Variants in NTM observed in about 807,000 individuals in gnomAD.
NTM encodes the protein IgLON family member 2.
A neutral mutation model predicts 42.1 loss-of-function variants in NTM; 13 were observed. The observed-to-expected ratio is 0.31, with a 90% confidence interval of 0.20 to 0.49. NTM has a LOEUF of 0.49. Among genes scored for constraint, NTM ranks in the 20% least tolerant of loss-of-function variants. The pLI is 0.99. For missense variants in NTM, 373 were observed against 452.8 expected (o/e 0.82, Z 1.60); for synonymous variants, 187 against 179.2 (o/e 1.04, Z -0.35).
At chr11:131,950,275 C>G (rs568960328) in intron 2 of NTM, among the ~76,000 whole-genome samples, 4 of 152,322 alleles carry the variant, frequency 2.6e-5, no homozygotes, top group South Asian at 4.1e-4. Flanking sequence ...GCCCACAACA[C>G]CTTCCTGCTT....
chr11:132,222,620 C>T (rs914565212), intron 4 of NTM, among the ~76,000 whole-genome samples: 4 of 152,120 alleles, frequency 2.6e-5, no homozygotes, highest in Non-Finnish European at 5.9e-5. Context: ...CCTGGCTCTC[C>T]AAATACCATG....
chr11:131,846,371 C>T (rs933410948), intron 1 of NTM, among the ~76,000 whole-genome samples: 2 of 152,048 alleles, frequency 1.3e-5, no homozygotes, highest in African/African-American at 2.4e-5. Flanking sequence ...AGTTTCTTCT[C>T]GTATTTCAAA....
intron 1 of NTM, among the ~76,000 whole-genome samples, chr11:131,812,208 C>CTT (rs1353834140): frequency 2.8e-5 from 4 of 143,380 alleles, no homozygotes; most frequent in Non-Finnish European, 5.9e-5. Context: ...CTCTCTCTCT[C>CTT]TCTCTCTCTC....
chr11:131,711,039 C>T (rs980916890), intron 1 of NTM, among the ~76,000 whole-genome samples: 1 of 152,116 alleles, frequency 6.6e-6, no homozygotes, highest in Non-Finnish European at 1.5e-5. Context: ...AGAAGAAAAC[C>T]TAGGCATTAC....
At chr11:131,484,652 C>T (rs1447782508) in intron 1 of NTM, among the ~76,000 whole-genome samples, 1 of 152,176 alleles carries the variant, frequency 6.6e-6, no homozygotes, top group East Asian at 1.9e-4. Context: ...GACACTGCCC[C>T]TTTCCCAGGA....
chr11:131,372,519 G>A (rs1213668642), intron 1 of NTM, among the ~76,000 whole-genome samples: 2 of 152,084 alleles, frequency 1.3e-5, no homozygotes, highest in Non-Finnish European at 2.9e-5. Flanking sequence ...GGGAAGCTGA[G>A]TTCAGGATCG....
intron 2 of NTM, among the ~76,000 whole-genome samples, chr11:131,952,198 A>G (rs2061079418): frequency 6.6e-6 from 1 of 152,072 alleles, no homozygotes; most frequent in Non-Finnish European, 1.5e-5. Flanking sequence ...TCTCTGACTC[A>G]AGTACCTCCT....
At chr11:131,785,694 T>G (rs1367005294) in intron 1 of NTM, among the ~76,000 whole-genome samples, 3 of 152,114 alleles carry the variant, frequency 2.0e-5, no homozygotes, top group Non-Finnish European at 4.4e-5. Flanking sequence ...ACTGCAGAGG[T>G]GAGACTAAGA....
intron 2 of NTM, among the ~76,000 whole-genome samples, chr11:132,007,529 T>C (rs1432180192): frequency 1.3e-5 from 2 of 152,178 alleles, no homozygotes; most frequent in Non-Finnish European, 2.9e-5. Flanking sequence ...GGCAGATATT[T>C]CTGATGCTCT....
At chr11:131,997,446 T>G (rs567820773) in intron 2 of NTM, among the ~76,000 whole-genome samples, 7 of 152,306 alleles carry the variant, frequency 4.6e-5, no homozygotes, top group African/African-American at 1.7e-4. Context: ...AGGATCACAT[T>G]GTCTCAGTAA....
intron 4 of NTM, among the ~76,000 whole-genome samples, chr11:132,218,144 G>T (rs2084311927): frequency 6.6e-6 from 1 of 152,148 alleles, no homozygotes; most frequent in Non-Finnish European, 1.5e-5. Flanking sequence ...GTGGCGCTGA[G>T]ATCATTAGAA....
intron 2 of NTM, among the ~76,000 whole-genome samples, chr11:132,136,564 A>G (rs936949058): frequency 6.6e-6 from 1 of 152,142 alleles, no homozygotes; most frequent in Non-Finnish European, 1.5e-5. Context: ...TGTACATCAT[A>G]TGTGTACATG....
chr11:131,772,610 T>C (rs1358497760), intron 1 of NTM, among the ~76,000 whole-genome samples: 1 of 152,160 alleles, frequency 6.6e-6, no homozygotes, highest in Admixed American at 6.5e-5. Flanking sequence ...TGAAAGCAGA[T>C]ACTTCCTTAC....
intron 2 of NTM, among the ~76,000 whole-genome samples, chr11:132,104,464 G>T (rs2062018170): frequency 6.6e-6 from 1 of 151,542 alleles, no homozygotes; most frequent in Non-Finnish European, 1.5e-5. Flanking sequence ...TTTAAAAATT[G>T]ATTTCAGCCA....
chr11:131,966,301 A>AGT (rs1283985922), intron 2 of NTM, among the ~76,000 whole-genome samples: 1 of 152,192 alleles, frequency 6.6e-6, no homozygotes, highest in Non-Finnish European at 1.5e-5. Context: ...CTGCTAAAGG[A>AGT]GCCTAGGATA....
chr11:131,480,176 A>G (rs988255085), intron 1 of NTM, among the ~76,000 whole-genome samples: 2 of 149,620 alleles, frequency 1.3e-5, no homozygotes, highest in African/African-American at 4.9e-5. Context: ...GTACTGAGTC[A>G]AGTGCTTCAA....
At chr11:131,679,912 T>C (rs2072133265) in intron 1 of NTM, among the ~76,000 whole-genome samples, 1 of 152,208 alleles carries the variant, frequency 6.6e-6, no homozygotes, top group South Asian at 2.1e-4. Context: ...TGCTGATGTT[T>C]GACTAACTCC....
chr11:131,973,066 G>A (rs1307994402), intron 2 of NTM, among the ~76,000 whole-genome samples: 1 of 152,190 alleles, frequency 6.6e-6, no homozygotes, highest in Non-Finnish European at 1.5e-5. Flanking sequence ...GATCTGTGAA[G>A]AACTCTAAAT....
chr11:131,944,643 G>C (rs143706465), intron 2 of NTM, among the ~76,000 whole-genome samples: 2 of 152,300 alleles, frequency 1.3e-5, no homozygotes, highest in East Asian at 3.9e-4. Flanking sequence ...ATCTCCTCCT[G>C]TTTAAAATGA....
Sources: gnomAD v4.1 joint callset for allele counts (sites outside exome capture counted in the v4.1 genomes callset) on GRCh38, gnomAD v4.1.1 for gene constraint, MANE v1.5 for transcripts, NCBI Gene and HGNC (gene_info 2026-07-23, HGNC 2026-07-21) for gene names.